The following PDE7B variants were observed in gnomAD, a reference collection of about 807,000 sequenced individuals.
The protein encoded by PDE7B is phosphodiesterase 7B, also known as 3',5'-cyclic-AMP phosphodiesterase 7B.
PDE7B carries 29 observed loss-of-function variants against 56.2 expected under a neutral mutation model. That is an observed-to-expected ratio of 0.52 (90% CI 0.38 to 0.70). PDE7B has a LOEUF of 0.70. Among genes scored for constraint, PDE7B ranks in the 30% least tolerant of loss-of-function variants. PDE7B has a pLI of 0.00. For missense variants in PDE7B, 490 were observed against 565.0 expected (o/e 0.87, Z 1.35); for synonymous variants, 197 against 196.9 (o/e 1.00, Z 0.00).
chr6:136,028,804 C>A (rs1212779170), intron 2 of PDE7B, among the ~76,000 whole-genome samples: 2 of 152,206 alleles, frequency 1.3e-5, no homozygotes, highest in South Asian at 2.1e-4. Flanking sequence ...TGATTAGCAA[C>A]CTTAACTTCA....
intron 1 of PDE7B, among the ~76,000 whole-genome samples, chr6:135,864,091 A>G (rs771667668): frequency 6.6e-6 from 1 of 152,038 alleles, no homozygotes. Context: ...TTAGCTTGTT[A>G]CTTTTACATT....
chr6:136,059,678 C>T (rs1488319040), intron 2 of PDE7B, among the ~76,000 whole-genome samples: 1 of 152,220 alleles, frequency 6.6e-6, no homozygotes. Flanking sequence ...TGCTTGAATA[C>T]TATCCCAAAG....
chr6:136,091,629 C>T (rs1207719492), intron 2 of PDE7B, among the ~76,000 whole-genome samples: 1 of 152,146 alleles, frequency 6.6e-6, no homozygotes, highest in Non-Finnish European at 1.5e-5. Context: ...AGTATATGTT[C>T]TAAAAAATCA....
intron 10 of PDE7B, among the ~76,000 whole-genome samples, chr6:136,179,796 T>C (rs1779034540): frequency 6.6e-6 from 1 of 152,260 alleles, no homozygotes; most frequent in Non-Finnish European, 1.5e-5. Flanking sequence ...TATTTTCATC[T>C]GAGTCTTAAA....
chr6:135,875,204 T>C (rs1775468808), intron 1 of PDE7B, among the ~76,000 whole-genome samples: 1 of 152,088 alleles, frequency 6.6e-6, no homozygotes, highest in South Asian at 2.1e-4. Flanking sequence ...GCTAAATCCA[T>C]ATATGTATTA....
chr6:136,082,178 C>T (rs1777217721), intron 2 of PDE7B, among the ~76,000 whole-genome samples: 1 of 152,324 alleles, frequency 6.6e-6, no homozygotes, highest in East Asian at 1.9e-4. Context: ...ATGGGAATTA[C>T]ACAGGCCACA....
Position 136,021,408 on chromosome 6 carries a change from G to T in PDE7B, c.82+73884G>T, listed in dbSNP as rs951273118. Among the ~76,000 whole-genome samples, 5 of 152,170 alleles carry T rather than the reference G, an allele frequency of 3.3e-5. No homozygotes were observed. The South Asian group carries it at 8.3e-4, about 25-fold the overall frequency. ...GCCTGTAATCCCAGCACTTTGGGAG[G>T]CTGAGGCAGGTGGATCACCTGAGGT... On this transcript the variant is annotated intron_variant, in intron 2 of 12. Transcript: ENST00000308191.
At chr6:135,965,729 T>C (rs1334473567) in intron 2 of PDE7B, among the ~76,000 whole-genome samples, 2 of 152,086 alleles carry the variant, frequency 1.3e-5, no homozygotes, top group Non-Finnish European at 2.9e-5. Flanking sequence ...CCATGACACA[T>C]GGGAATTGTG....
chr6:135,882,976 T>C (rs1475126130), intron 1 of PDE7B, among the ~76,000 whole-genome samples: 1 of 152,180 alleles, frequency 6.6e-6, no homozygotes, highest in Non-Finnish European at 1.5e-5. Context: ...AAGGTAGACA[T>C]TGAAACATCA....
chr6:136,183,093 C>T (rs1421244402), intron 11 of PDE7B, among the ~76,000 whole-genome samples: 1 of 149,584 alleles, frequency 6.7e-6, no homozygotes, highest in African/African-American at 2.5e-5. Context: ...AAAAAAAAAC[C>T]CTTTTCTCAA....
chr6:136,185,345 C>A (rs112581485), intron 11 of PDE7B, among the ~76,000 whole-genome samples: 8 of 152,310 alleles, frequency 5.3e-5, no homozygotes, highest in African/African-American at 1.7e-4. Context: ...AGGCTCCCCA[C>A]TTTACTAGTG....
At chr6:136,047,755 A>G (rs1776539928) in intron 2 of PDE7B, among the ~76,000 whole-genome samples, 1 of 152,226 alleles carries the variant, frequency 6.6e-6, no homozygotes, top group Non-Finnish European at 1.5e-5. Context: ...TAAGATATTC[A>G]GAAAGGGAAA....
chr6:136,118,731 T>C (rs1210675373), intron 3 of PDE7B, among the ~76,000 whole-genome samples: 3 of 152,210 alleles, frequency 2.0e-5, no homozygotes, highest in South Asian at 2.1e-4. Flanking sequence ...ACAATGAACA[T>C]ATATATGCCA....
chr6:136,033,702 C>T (rs770978416), intron 2 of PDE7B, among the ~76,000 whole-genome samples: 1 of 152,180 alleles, frequency 6.6e-6, no homozygotes, highest in Non-Finnish European at 1.5e-5. Flanking sequence ...TTCCTACTTG[C>T]TGGCATTATT....
chr6:135,960,532 G>T (rs1354775337), intron 2 of PDE7B, among the ~76,000 whole-genome samples: 1 of 152,090 alleles, frequency 6.6e-6, no homozygotes, highest in Non-Finnish European at 1.5e-5. Context: ...ATACTTACTG[G>T]CACCTCTAAT....
At chr6:135,997,471 A>G (rs1338364406) in intron 2 of PDE7B, among the ~76,000 whole-genome samples, 1 of 140,804 alleles carries the variant, frequency 7.1e-6, no homozygotes, top group African/African-American at 2.5e-5. Context: ...AGCAGTTTCT[A>G]TAGTAAAAAG....
chr6:136,181,466 T>C, intron 11 of PDE7B, 143 bp downstream of exon 11: 2 of 616,244 alleles, frequency 3.2e-6, no homozygotes, highest in Admixed American at 3.0e-5. Context: ...TTTTACTCTC[T>C]TGGAACTCAT....
chr6:135,955,277 CGGGAAG>C (rs572768677), intron 2 of PDE7B, among the ~76,000 whole-genome samples: 114 of 151,620 alleles, frequency 7.5e-4, no homozygotes, highest in Middle Eastern at 3.4e-3. Context: ...CCAGGTCTTA[CGGGAAG>C]GGGAAGGGGA....
chr6:135,997,340 G>A (rs1775582886), intron 2 of PDE7B, among the ~76,000 whole-genome samples: 1 of 137,956 alleles, frequency 7.2e-6, no homozygotes, highest in Admixed American at 8.0e-5. Flanking sequence ...CTTGAGCCTG[G>A]AAGGTCAAGG....
Sources: allele counts gnomAD v4.1 joint callset (sites outside exome capture counted in the v4.1 genomes callset), GRCh38; gene constraint gnomAD v4.1.1; transcripts MANE v1.5; gene names NCBI Gene and HGNC (gene_info 2026-07-23, HGNC 2026-07-21).